SDR9C7: variants seen among roughly 807,000 people sequenced by gnomAD.
SDR9C7 encodes the protein short chain dehydrogenase/reductase family 9C member 7.
Under a neutral mutation model 23.6 loss-of-function variants are expected in SDR9C7, and 11 were observed. The ratio of observed to expected loss-of-function variants is 0.47; its 90% CI spans 0.29 to 0.77. The LOEUF (loss-of-function observed/expected upper bound fraction) is 0.77. SDR9C7 is among the 30% of genes least tolerant of loss of function. The probability of loss-of-function intolerance (pLI) is 0.09; values close to 1 mark genes in which losing one functional copy is unlikely to be tolerated. For missense variants in SDR9C7, 387 were observed against 407.1 expected (o/e 0.95, Z 0.42); for synonymous variants, 167 against 157.3 (o/e 1.06, Z -0.46).
At position 56,929,689 on chromosome 12, in the gene SDR9C7, G is replaced by A. The variant is rs567335577; in HGVS notation, c.561-136C>T. ...TGTACTTGGCCCTGGCATTGCCTTT[G>A]TGCAAATAAGCCCTTCCTTAGGGAC... On this transcript the variant is annotated intron_variant, in intron 2 of 3. Coordinates refer to ENST00000293502, the MANE Select transcript of SDR9C7 (RefSeq NM_148897.3). 2.2e-5 allele frequency: 23 copies of A among 1,040,458 alleles called. No individual in the cohort carries two copies. The East Asian group carries it at 5.7e-4, about 26-fold the overall frequency. The allele number at this position is 1,040,458 out of a possible 1,614,324, so 64.5% of individuals were successfully genotyped here. A position where few individuals can be genotyped will look rare whatever the true frequency, so the allele number is the denominator to read the frequency against.
chr12:56,929,282 C>T, intron 3 of SDR9C7, 108 bp downstream of exon 3: 1 of 1,125,674 alleles, frequency 8.9e-7, no homozygotes, highest in Non-Finnish European at 1.3e-6. Context: ...ACCTTGGGTC[C>T]TGAACTCCTC....
chr12:56,924,908 G>A (rs986252650), intron 3 of SDR9C7, among the ~76,000 whole-genome samples: 1 of 152,132 alleles, frequency 6.6e-6, no homozygotes, highest in Admixed American at 6.5e-5. Context: ...GCAACAGAGT[G>A]AGACTCCATC....
intron 3 of SDR9C7, among the ~76,000 whole-genome samples, 194 bp from the exon 4 acceptor site, chr12:56,924,244 C>A (rs1239135360): frequency 6.6e-6 from 1 of 152,092 alleles, no homozygotes; most frequent in Non-Finnish European, 1.5e-5. Context: ...GCCTGGCCAA[C>A]ATGGTGAAAC....
At chr12:56,929,025 A>T (rs1451205208) in intron 3 of SDR9C7, among the ~76,000 whole-genome samples, 1 of 152,244 alleles carries the variant, frequency 6.6e-6, no homozygotes, top group Non-Finnish European at 1.5e-5. Flanking sequence ...TAATAGGTCC[A>T]AAGTCTCCTA....
chr12:56,929,076 C>T (rs983180193), intron 3 of SDR9C7, among the ~76,000 whole-genome samples: 19 of 152,258 alleles, frequency 1.2e-4, no homozygotes, highest in South Asian at 6.2e-4. Flanking sequence ...CCAGGCAGTC[C>T]GGCTCCAGCA....
Position 56,934,244 on chromosome 12 carries a change from G to A in SDR9C7, c.18C>T (p.Asp6=), listed in dbSNP as rs1407248416. Residue 6 remains aspartate, a synonymous_variant, in exon 1 of 4, where the codon GAC becomes GAT. Coordinates refer to ENST00000293502, the MANE Select transcript of SDR9C7 (RefSeq NM_148897.3). MAALT[D]LSFMYRWFKN... Reference sequence around the variant, plus strand: ...TGAACCAGCGATACATAAATGAGAGGTCTGTGAGGGCCGCCATAGGGCAAG... The same window carrying A: ...TGAACCAGCGATACATAAATGAGAGATCTGTGAGGGCCGCCATAGGGCAAG... The A allele has an allele frequency of 6.2e-7, 1 of 1,613,590 alleles. No homozygotes were observed. The highest frequency in any genetic ancestry group is 8.5e-7 in the Non-Finnish European group (1 of 1,179,594).
intron 1 of SDR9C7, among the ~76,000 whole-genome samples, chr12:56,932,674 A>T (rs1464406994): frequency 6.6e-6 from 1 of 152,200 alleles, no homozygotes; most frequent in Non-Finnish European, 1.5e-5. Context: ...TTGCTGAATT[A>T]TTAATTAATT....
intron 1 of SDR9C7, among the ~76,000 whole-genome samples, chr12:56,931,617 A>G (rs564784169): frequency 6.6e-6 from 1 of 152,206 alleles, no homozygotes; most frequent in South Asian, 2.1e-4. Flanking sequence ...AGACTAAAAC[A>G]GTTGTTTCCA....
At chr12:56,924,104 C>T in intron 3 of SDR9C7, 54 bp from the exon 4 acceptor site, 1 of 1,300,994 alleles carries the variant, frequency 7.7e-7, no homozygotes, top group South Asian at 1.3e-5. Context: ...TAAAAGATGG[C>T]TTCTTCCGAA....
chr12:56,929,554 CT>C lies in SDR9C7; in HGVS notation c.561-2del. 6.3e-7 allele frequency: 1 copy of C among 1,596,192 alleles called. No homozygotes were observed. Among genetic ancestry groups the C allele is most frequent in the Non-Finnish European group, 8.6e-7 (1 of 1,164,754 alleles). On this transcript the variant is annotated splice_acceptor_variant, in intron 2 of 3. Coordinates refer to ENST00000293502, the MANE Select transcript of SDR9C7 (RefSeq NM_148897.3). LOFTEE classifies it high-confidence loss of function. The stretch of plus-strand genomic sequence containing the variant: ...CACCCCAAAGTAGTAGAGCTCACGC[CT>C]GGGAAAGAAGAGTTGCAGTCAGTCT...
At chr12:56,932,001 C>A (rs1313709995) in intron 1 of SDR9C7, among the ~76,000 whole-genome samples, 1 of 152,186 alleles carries the variant, frequency 6.6e-6, no homozygotes, top group Non-Finnish European at 1.5e-5. Flanking sequence ...CTCTCCCATC[C>A]CCCTACCCAC....
chr12:56,930,148 C>G (rs940962705), intron 2 of SDR9C7, 78 bp downstream of exon 2: 1 of 1,524,180 alleles, frequency 6.6e-7, no homozygotes, highest in African/African-American at 1.4e-5. Context: ...AATTCCCCTG[C>G]CCACATGCTG....
chr12:56,928,935 C>T (rs1000226111), intron 3 of SDR9C7, among the ~76,000 whole-genome samples: 5 of 152,160 alleles, frequency 3.3e-5, no homozygotes, highest in Admixed American at 2.0e-4. Flanking sequence ...ACATACTAAC[C>T]CTCATAACAA....
chr12:56,929,295 C>T, intron 3 of SDR9C7, 95 bp downstream of exon 3: 1 of 1,275,246 alleles, frequency 7.8e-7, no homozygotes, highest in South Asian at 1.3e-5. Flanking sequence ...AACTCCTCTG[C>T]ATTTTGTCTC....
intron 2 of SDR9C7, among the ~76,000 whole-genome samples, chr12:56,929,886 G>A (rs1312566240): frequency 6.6e-6 from 1 of 152,112 alleles, no homozygotes; most frequent in Non-Finnish European, 1.5e-5. Flanking sequence ...TATACACAAG[G>A]CCTGCACGCT....
At position 56,930,333 on chromosome 12, in the gene SDR9C7, G is replaced by T. The variant is rs1230319659; in HGVS notation, c.453C>A (p.Ala151=). The change falls in exon 2 of 4, where the codon GCC becomes GCA. Residue 151 remains alanine (A), a synonymous_variant. Coordinates refer to ENST00000293502, the MANE Select transcript of SDR9C7 (RefSeq NM_148897.3). ...TGGACATGTTGACAACCCTGCCCCG[G>T]GCTCTCTTGACCATGGGCAGCATGT... ...TLHMLPMVKR[A]RGRVVNMSSS... The T allele has an allele frequency of 6.2e-7, 1 of 1,614,056 alleles. No homozygotes were observed. The highest frequency in any genetic ancestry group is 1.7e-5 in the Admixed American group (1 of 59,996).
Position 56,929,461 on chromosome 12 carries a change from C to T in SDR9C7, c.653G>A (p.Arg218His), listed in dbSNP as rs1249676819. 6.8e-6 allele frequency: 11 copies of T among 1,613,784 alleles called. No homozygotes were observed. In the Middle Eastern group the frequency reaches 6.6e-4, roughly 96 times the overall value. ...AILGKENLESRMRKLWERLPQ... is the reference protein window; with the variant it reads ...AILGKENLESHMRKLWERLPQ... ...CAGCCTCTCCCAAAGCTTTCGCATG[C>T]GTGACTCCAGGTTCTCCTTGCCGAG... is the stretch of plus-strand genomic sequence containing the variant. The change falls in exon 3 of 4, where the codon CGC becomes CAC. Residue 218 changes from arginine (R) to histidine (H), a missense_variant. Transcript: ENST00000293502.
At position 56,923,200 on chromosome 12, in the gene SDR9C7, G is replaced by T. The variant is rs1304740055; in HGVS notation, c.*633C>A. On this transcript the variant is annotated 3_prime_UTR_variant, in exon 4 of 4. Coordinates refer to ENST00000293502, the MANE Select transcript of SDR9C7 (RefSeq NM_148897.3). ...TTCCCCCAGCACCTACAAAGTGCCC[G>T]GTAGGTAGTAGGCACTCAATAAATA... The T allele has an allele frequency of 6.6e-6, 1 of 152,008 alleles. No individual in the cohort carries two copies. The highest frequency in any genetic ancestry group is 2.1e-4 in the South Asian group (1 of 4,814). The allele number at this position is 152,008 out of a possible 1,614,324, so 9.4% of individuals were successfully genotyped here.
Position 56,923,610 on chromosome 12 carries a change from C to G in SDR9C7, c.*223G>C, listed in dbSNP as rs1223312032. On this transcript the variant is annotated 3_prime_UTR_variant, in exon 4 of 4. Coordinates refer to ENST00000293502, the MANE Select transcript of SDR9C7 (RefSeq NM_148897.3). ...GAGCTATTGCTGCAGATCGCTGAACCTGCAAAGACCACCTCAGGTTTCTGT... is the reference window on the plus strand; with the variant it reads ...GAGCTATTGCTGCAGATCGCTGAACGTGCAAAGACCACCTCAGGTTTCTGT... 1 of 434,908 alleles carries G rather than the reference C, an allele frequency of 2.3e-6. No individual in the cohort carries two copies. 26.9% of individuals were successfully genotyped at this position (434,908 alleles called of 1,614,324 possible).
Sources: allele counts gnomAD v4.1 joint callset (sites outside exome capture counted in the v4.1 genomes callset), GRCh38; gene constraint gnomAD v4.1.1; transcripts MANE v1.5; gene names NCBI Gene and HGNC (gene_info 2026-07-23, HGNC 2026-07-21).